Variants in SHISA6 observed in about 807,000 individuals in gnomAD.
SHISA6 encodes the protein shisa family member 6.
In SHISA6, 22 loss-of-function variants were observed where a neutral mutation model predicts 47.9. The observed-to-expected ratio is 0.46, with a 90% confidence interval of 0.33 to 0.66. The LOEUF is 0.66. SHISA6 is among the 30% of genes least tolerant of loss of function. The probability of loss-of-function intolerance (pLI) is 0.02; values close to 1 mark genes in which losing one functional copy is unlikely to be tolerated. For synonymous variants in SHISA6, 388 were observed against 337.8 expected, an observed-to-expected ratio of 1.15 and a Z score of -1.63; for missense variants, 680 against 764.6, an observed-to-expected ratio of 0.89 and a Z score of 1.30.
chr17:11,507,302 T>A (rs1415626862), intron 3 of SHISA6, among the ~76,000 whole-genome samples: 1 of 152,170 alleles, frequency 6.6e-6, no homozygotes, highest in Non-Finnish European at 1.5e-5. Context: ...AAGGAGCACA[T>A]AAGACCTGCC....
intron 3 of SHISA6, among the ~76,000 whole-genome samples, chr17:11,442,902 C>CCACT (rs1359568297): frequency 6.6e-6 from 1 of 152,070 alleles, no homozygotes; most frequent in Non-Finnish European, 1.5e-5. Context: ...TTTAGCCAAG[C>CCACT]CACTGCTCAT....
rs538886245 is a variant in SHISA6 at position 11,275,020 on chromosome 17, C to G, written c.799+11494C>G. Among the ~76,000 whole-genome samples the G allele has an allele frequency of 4.3e-4, 65 of 152,266 alleles. 1 individual carries two copies. Among genetic ancestry groups the G allele is most frequent in the Admixed American group, 1.4e-3 (22 of 15,292 alleles). Reference sequence around the variant, plus strand: ...AAGGTTTGCAGAAGGGCACAGTGATCAATTCCTTTGGAAAGATTGGTTGTG... The same window carrying G: ...AAGGTTTGCAGAAGGGCACAGTGATGAATTCCTTTGGAAAGATTGGTTGTG... On this transcript the variant is annotated intron_variant, in intron 2 of 5. Transcript: ENST00000441885.
intron 3 of SHISA6, among the ~76,000 whole-genome samples, chr17:11,548,797 G>C (rs967955665): frequency 2.6e-5 from 4 of 152,026 alleles, no homozygotes; most frequent in African/African-American, 9.7e-5. Flanking sequence ...ATACAGAATA[G>C]ACTATTCTAT....
At position 11,481,532 on chromosome 17, in the gene SHISA6, G is replaced by A. The variant is rs188119413; in HGVS notation, c.896-70364G>A. 2.4e-3 allele frequency among the ~76,000 whole-genome samples: 360 copies of A among 148,968 alleles called. 1 individual carries two copies. Among genetic ancestry groups the A allele is most frequent in the Non-Finnish European group, 3.5e-3 (238 of 67,578 alleles). On this transcript the variant is annotated intron_variant, in intron 3 of 5. Coordinates refer to ENST00000441885, the MANE Select transcript of SHISA6 (RefSeq NM_207386.4). ...TTTGGAGATGGAGTCTCGCTCCGTC[G>A]CCCAGGCTGGAGTGCAGTGGCGCGA...
chr17:11,531,924 G>A (rs1262722861), intron 3 of SHISA6, among the ~76,000 whole-genome samples: 2 of 152,198 alleles, frequency 1.3e-5, no homozygotes, highest in African/African-American at 4.8e-5. Flanking sequence ...ATGTACACAT[G>A]TATCAAAACA....
At chr17:11,481,494 TTTG>T (rs869295748) in intron 3 of SHISA6, among the ~76,000 whole-genome samples, 374 of 82,690 alleles carry the variant, frequency 4.5e-3, no homozygotes, top group African/African-American at 0.014. Flanking sequence ...CAAACTGAAG[TTTG>T]TTTTTTTTTT....
intron 1 of SHISA6, among the ~76,000 whole-genome samples, chr17:11,244,257 G>A (rs961887768): frequency 6.6e-6 from 1 of 152,162 alleles, no homozygotes. Context: ...CTCTCTTCCA[G>A]CAGCTGCAGT....
At chr17:11,391,569 A>G (rs1913388087) in intron 3 of SHISA6, among the ~76,000 whole-genome samples, 1 of 151,728 alleles carries the variant, frequency 6.6e-6, no homozygotes, top group Non-Finnish European at 1.5e-5. Context: ...CCTCACCTCT[A>G]CTCTTCTCAG....
chr17:11,439,384 C>T (rs1915039546), intron 3 of SHISA6, among the ~76,000 whole-genome samples: 1 of 152,112 alleles, frequency 6.6e-6, no homozygotes, highest in Non-Finnish European at 1.5e-5. Context: ...CTCAGCCTTC[C>T]CCCAAGCCAT....
At chr17:11,496,301 G>A (rs1159752750) in intron 3 of SHISA6, among the ~76,000 whole-genome samples, 1 of 152,128 alleles carries the variant, frequency 6.6e-6, no homozygotes, top group African/African-American at 2.4e-5. Context: ...TCCACCACAG[G>A]TGAGACTTCA....
In SHISA6 at chr17:11,560,229, GA is replaced by G. The variant is rs1327239542; in HGVS notation, c.*1928del. 1 of 152,230 alleles carries G rather than the reference GA, an allele frequency of 6.6e-6. No homozygotes were observed. The highest frequency in any genetic ancestry group is 1.5e-5 in the Non-Finnish European group (1 of 68,120). 9.4% of individuals were successfully genotyped at this position (152,230 alleles called of 1,614,324 possible). Reference sequence around the variant, plus strand: ...AGGGTGTGCCTCCCAACAGGAACAGGAAACCATCACCCTGGATCTTAGGGGG... The same window carrying G: ...AGGGTGTGCCTCCCAACAGGAACAGGAACCATCACCCTGGATCTTAGGGGG... On this transcript the variant is annotated 3_prime_UTR_variant, in exon 6 of 6. Transcript: ENST00000441885.
chr17:11,471,399 C>G (rs1314702251), intron 3 of SHISA6, among the ~76,000 whole-genome samples: 4 of 152,082 alleles, frequency 2.6e-5, no homozygotes, highest in African/African-American at 9.7e-5. Context: ...AACTGGAAAC[C>G]AGAGCATCAG....
intron 2 of SHISA6, among the ~76,000 whole-genome samples, chr17:11,362,162 C>T (rs1036064899): frequency 2.0e-5 from 3 of 152,120 alleles, no homozygotes; most frequent in Admixed American, 1.3e-4. Flanking sequence ...GAGACAGAAT[C>T]TCAGTCTCAC....
intron 2 of SHISA6, chr17:11,289,750 C>T (rs982010219): frequency 3.0e-4 from 46 of 151,968 alleles, no homozygotes; most frequent in African/African-American, 1.1e-3. Context: ...CAAACAGCCT[C>T]TGATTCTGAA....
chr17:11,277,241 T>TTCTCTCTCTCTCTCTCTC (rs139388009), intron 2 of SHISA6, among the ~76,000 whole-genome samples: 19 of 78,148 alleles, frequency 2.4e-4, no homozygotes, highest in Non-Finnish European at 3.6e-4. Context: ...CGGTTTCTCT[T>TTCTCTCTCTCTCTCTCTC]TCTCTCTCTC....
intron 3 of SHISA6, among the ~76,000 whole-genome samples, chr17:11,436,066 C>T (rs1914929783): frequency 6.6e-6 from 1 of 152,144 alleles, no homozygotes; most frequent in Admixed American, 6.5e-5. Flanking sequence ...CTGAGGGTAA[C>T]CTGCAACCGA....
chr17:11,368,933 G>T (rs911564954), intron 2 of SHISA6, among the ~76,000 whole-genome samples: 1 of 152,196 alleles, frequency 6.6e-6, no homozygotes, highest in African/African-American at 2.4e-5. Context: ...GGGATTACAG[G>T]CATGGGCCAC....
In SHISA6 at chr17:11,323,801, A is replaced by G. The variant is rs11868417; in HGVS notation, c.800-55613A>G. ...GACCCCTTTCCTTCCCTTACGCTCC[A>G]GGGGCCTCAGCATGGGTATAGTACC... On this transcript the variant is annotated intron_variant, in intron 2 of 5. Coordinates refer to ENST00000441885, the MANE Select transcript of SHISA6 (RefSeq NM_207386.4). Among the ~76,000 whole-genome samples the G allele has an allele frequency of 8.4e-3, 1,282 of 152,130 alleles. 15 individuals are homozygous for G. Among genetic ancestry groups the G allele is most frequent in the African/African-American group, 0.021 (871 of 41,512 alleles).
chr17:11,501,143 G>A (rs530750178), intron 3 of SHISA6, among the ~76,000 whole-genome samples: 1 of 140,692 alleles, frequency 7.1e-6, no homozygotes, highest in Admixed American at 7.2e-5. Flanking sequence ...ATGGAGTTTT[G>A]CTCTTGTTGC....
Sources: gnomAD v4.1 joint callset for allele counts (sites outside exome capture counted in the v4.1 genomes callset) on GRCh38, gnomAD v4.1.1 for gene constraint, MANE v1.5 for transcripts, NCBI Gene and HGNC (gene_info 2026-07-23, HGNC 2026-07-21) for gene names.